CTTNBP2: variants seen among roughly 807,000 people sequenced by gnomAD.
CTTNBP2 encodes cortactin binding protein 2.
A neutral mutation model predicts 156.9 loss-of-function variants in CTTNBP2; 108 were observed. The ratio of observed to expected loss-of-function variants is 0.69; its 90% CI spans 0.59 to 0.81. CTTNBP2 has a LOEUF of 0.81. Among genes scored for constraint, CTTNBP2 ranks in the 30% least tolerant of loss-of-function variants. The pLI is 0.00. For missense variants in CTTNBP2, 1,924 were observed against 2,035.4 expected (o/e 0.95, Z 1.05); for synonymous variants, 767 against 751.8 (o/e 1.02, Z -0.33).
At chr7:117,778,829 T>G (rs745956189) in intron 7 of CTTNBP2, among the ~76,000 whole-genome samples, 4 of 152,176 alleles carry the variant, frequency 2.6e-5, no homozygotes, top group Non-Finnish European at 5.9e-5. Context: ...TTTGGCTTTA[T>G]TTTTCTACCT....
rs769542873 is a variant in CTTNBP2 at position 117,767,186 on chromosome 7, C to T, written c.2779-10G>A. On this transcript the variant is annotated splice_polypyrimidine_tract_variant and intron_variant, in intron 8 of 22. Coordinates refer to ENST00000160373, the MANE Select transcript of CTTNBP2 (RefSeq NM_033427.3). ...AGATTTCTAGGCAGTTCTATAAAGACAAGAGCTCTATTACCTCCAAGTCCA... is the reference window on the plus strand; with the variant it reads ...AGATTTCTAGGCAGTTCTATAAAGATAAGAGCTCTATTACCTCCAAGTCCA... 3 of 1,461,738 alleles carry T rather than the reference C, an allele frequency of 2.1e-6. No homozygotes were observed. The highest frequency in any genetic ancestry group is 1.9e-6 in the Non-Finnish European group (2 of 1,040,890). 90.5% of individuals were successfully genotyped at this position (1,461,738 alleles called of 1,614,324 possible).
chr7:117,724,482 C>G, intron 19 of CTTNBP2, 65 bp downstream of exon 19: 2 of 1,379,140 alleles, frequency 1.5e-6, no homozygotes, highest in Non-Finnish European at 2.0e-6. Flanking sequence ...AGCATATTTG[C>G]TTTCAGACAC....
chr7:117,781,129 G>C (rs1798414705), intron 6 of CTTNBP2, among the ~76,000 whole-genome samples: 1 of 152,318 alleles, frequency 6.6e-6, no homozygotes, highest in East Asian at 1.9e-4. Flanking sequence ...GTCTCCTGAA[G>C]TCAGGCTAGT....
intron 14 of CTTNBP2, among the ~76,000 whole-genome samples, chr7:117,738,145 C>T (rs969085138): frequency 6.6e-6 from 1 of 152,178 alleles, no homozygotes; most frequent in Non-Finnish European, 1.5e-5. Context: ...CTGGACCCAT[C>T]CCCAGTGATT....
At chr7:117,768,581 A>AAAAAAGAAAG (rs1554419704) in intron 8 of CTTNBP2, among the ~76,000 whole-genome samples, 57 of 99,110 alleles carry the variant, frequency 5.8e-4, no homozygotes, top group Middle Eastern at 6.0e-3. Context: ...AAAAAAAAAA[A>AAAAAAGAAAG]AAAGAAAGAA....
chr7:117,820,734 G>T (rs753419452), intron 2 of CTTNBP2, among the ~76,000 whole-genome samples: 4 of 152,128 alleles, frequency 2.6e-5, no homozygotes, highest in Non-Finnish European at 5.9e-5. Flanking sequence ...GGTATATGTA[G>T]GTTTCGTTGC....
At chr7:117,862,976 A>G (rs1322226213) in intron 1 of CTTNBP2, among the ~76,000 whole-genome samples, 1 of 152,226 alleles carries the variant, frequency 6.6e-6, no homozygotes. Flanking sequence ...TTGAGATGAG[A>G]TAAAAATGGT....
intron 2 of CTTNBP2, among the ~76,000 whole-genome samples, chr7:117,816,264 CAGG>C (rs1800569838): frequency 6.6e-6 from 1 of 152,204 alleles, no homozygotes. Context: ...AGAGCAGTTC[CAGG>C]AGAACTACAG....
chr7:117,863,050 T>C (rs555914882), intron 1 of CTTNBP2, among the ~76,000 whole-genome samples: 1 of 152,278 alleles, frequency 6.6e-6, no homozygotes, highest in Non-Finnish European at 1.5e-5. Flanking sequence ...AAAGTATACA[T>C]AGCAAAGACA....
rs563823508 is a variant in CTTNBP2 at position 117,828,171 on chromosome 7, C to A, written c.190-17182G>T. Among the ~76,000 whole-genome samples the A allele has an allele frequency of 4.6e-5, 7 of 152,236 alleles. No individual in the cohort carries two copies. The South Asian group carries it at 1.5e-3, about 32-fold the overall frequency. ...ATTCAAACCCTGCCAGTAATTTTAC[C>A]ACCATTAAATAAATGTTCCCCAGTC... is the stretch of plus-strand genomic sequence containing the variant. On this transcript the variant is annotated intron_variant, in intron 2 of 22. Transcript: ENST00000160373.
chr7:117,859,393 G>C (rs562230605), intron 2 of CTTNBP2, among the ~76,000 whole-genome samples: 10 of 152,294 alleles, frequency 6.6e-5, no homozygotes, highest in African/African-American at 1.7e-4. Context: ...TGGTTGCTAA[G>C]GTGATACATA....
chr7:117,760,342 C>CTT, intron 10 of CTTNBP2, 93 bp downstream of exon 10: 1 of 1,279,396 alleles, frequency 7.8e-7, no homozygotes, highest in African/African-American at 1.5e-5. Flanking sequence ...TTTGAATGTG[C>CTT]TTAATCAATG....
At chr7:117,769,478 T>C (rs146969256) in intron 8 of CTTNBP2, among the ~76,000 whole-genome samples, 200 of 152,286 alleles carry the variant, frequency 1.3e-3, no homozygotes, top group African/African-American at 4.6e-3. Flanking sequence ...TAGAGGGATC[T>C]CTCTAAAGCT....
chr7:117,798,642 C>A (rs937668492), intron 3 of CTTNBP2, among the ~76,000 whole-genome samples: 4 of 152,044 alleles, frequency 2.6e-5, no homozygotes, highest in African/African-American at 9.6e-5. Context: ...GAAGAGCTGC[C>A]TCAAATCAAT....
rs1018019409 is a variant in CTTNBP2 at position 117,783,195 on chromosome 7, A to G, written c.2273-234T>C. Among the ~76,000 whole-genome samples, 11 of 150,996 alleles carry G rather than the reference A, an allele frequency of 7.3e-5. No individual in the cohort carries two copies. In the East Asian group the frequency reaches 1.9e-3, roughly 27 times the overall value. ...CACTAAGATGCGTGTGTGTGTGTGC[A>G]TGCGCATGTGCCCATGCGTGTGTGC... On this transcript the variant is annotated intron_variant, in intron 5 of 22. Transcript: ENST00000160373.
chr7:117,811,858 GTAAAAATTTTAATTAAATTAAAATTTTAA>G (rs1800305744), intron 2 of CTTNBP2, among the ~76,000 whole-genome samples: 1 of 38,980 alleles, frequency 2.6e-5, no homozygotes, highest in Non-Finnish European at 4.5e-5. Context: ...AAATTTTAAT[GTAAAAATTTTAATTAAATTAAAATTTTAA>G]TGTAAAAATT....
At chr7:117,845,632 A>G (rs998517665) in intron 2 of CTTNBP2, among the ~76,000 whole-genome samples, 39 of 152,218 alleles carry the variant, frequency 2.6e-4, no homozygotes, top group African/African-American at 9.2e-4. Context: ...GGCACTACCA[A>G]TGCTCATTGA....
At chr7:117,788,818 C>A (rs1798840436) in intron 4 of CTTNBP2, among the ~76,000 whole-genome samples, 1 of 152,134 alleles carries the variant, frequency 6.6e-6, no homozygotes, top group Non-Finnish European at 1.5e-5. Context: ...TCCGTTCTCC[C>A]TTAATAAGCC....
chr7:117,833,715 T>C (rs1361978767), intron 2 of CTTNBP2, among the ~76,000 whole-genome samples: 1 of 152,240 alleles, frequency 6.6e-6, no homozygotes, highest in Non-Finnish European at 1.5e-5. Context: ...CCTCCAAGGC[T>C]GGGCTGAGAG....
Sources: allele counts gnomAD v4.1 joint callset (sites outside exome capture counted in the v4.1 genomes callset), GRCh38; gene constraint gnomAD v4.1.1; transcripts MANE v1.5; gene names NCBI Gene and HGNC (gene_info 2026-07-23, HGNC 2026-07-21).